The following GNA12 variants were observed in gnomAD, a reference collection of about 807,000 sequenced individuals.
GNA12 encodes the protein G protein subunit alpha 12.
GNA12 carries 9 observed loss-of-function variants against 26.0 expected under a neutral mutation model. That is an observed-to-expected ratio of 0.35 (90% CI 0.21 to 0.60). GNA12 has a LOEUF of 0.60. Among genes scored for constraint, GNA12 ranks in the 20% least tolerant of loss-of-function variants. The pLI is 0.78. For synonymous variants in GNA12, 264 were observed against 219.6 expected (o/e 1.20, Z -1.79); for missense variants, 405 against 525.8 (o/e 0.77, Z 2.25).
intron 2 of GNA12, among the ~76,000 whole-genome samples, chr7:2,769,458 C>A (rs963155669): frequency 6.6e-6 from 1 of 151,990 alleles, no homozygotes; most frequent in South Asian, 2.1e-4. Flanking sequence ...CGGCTGGGCA[C>A]GGTGGCTCAT....
At chr7:2,841,227 C>G (rs1339902480) in intron 1 of GNA12, among the ~76,000 whole-genome samples, 1 of 152,190 alleles carries the variant, frequency 6.6e-6, no homozygotes, top group Non-Finnish European at 1.5e-5. Flanking sequence ...TCTCGGCTCA[C>G]TGCAAGCTCC....
intron 2 of GNA12, among the ~76,000 whole-genome samples, chr7:2,783,653 TA>T: frequency 2.9e-5 from 1 of 35,002 alleles, no homozygotes; most frequent in Non-Finnish European, 7.2e-5. Flanking sequence ...GTAACACATT[TA>T]TTTATTTATT....
At chr7:2,781,133 T>C (rs1484731553) in intron 2 of GNA12, among the ~76,000 whole-genome samples, 3 of 152,254 alleles carry the variant, frequency 2.0e-5, no homozygotes, top group African/African-American at 7.2e-5. Flanking sequence ...TTCTGGATAC[T>C]CACACCTTTG....
Position 2,731,737 on chromosome 7 carries a change from C to T in GNA12, c.590G>A (p.Ser197Asn). 6.6e-7 allele frequency: 1 copy of T among 1,524,930 alleles called. No homozygotes were observed. The highest frequency in any genetic ancestry group is 8.9e-7 in the Non-Finnish European group (1 of 1,128,922). 94.5% of individuals were successfully genotyped at this position (1,524,930 alleles called of 1,614,324 possible). ...DRIGQLNYFP[S>N]KQDILLARKA... ...CCTAGCCAGCAGGATATCTTGCTTACTAGGAAAGTAATTCTGTAAAATACA... is the reference window on the plus strand; with the variant it reads ...CCTAGCCAGCAGGATATCTTGCTTATTAGGAAAGTAATTCTGTAAAATACA... Residue 197 changes from serine (S) to asparagine (N), a missense_variant, in exon 4 of 4, where the codon AGT (serine) becomes AAT (asparagine). Ser to Asn is a conservative substitution (Grantham distance 46, BLOSUM62 1). Coordinates refer to ENST00000275364, the MANE Select transcript of GNA12 (RefSeq NM_007353.3). The surrounding 1 kb of genome is among the most constrained non-coding windows in gnomAD (Gnocchi z 6.0).
intron 1 of GNA12, among the ~76,000 whole-genome samples, chr7:2,804,250 T>C (rs1420234649): frequency 6.6e-6 from 1 of 152,222 alleles, no homozygotes; most frequent in African/African-American, 2.4e-5. Flanking sequence ...AATCATTTAG[T>C]AGGCATTTTA....
chr7:2,735,154 C>T (rs1416609584), intron 2 of GNA12, among the ~76,000 whole-genome samples: 3 of 152,184 alleles, frequency 2.0e-5, no homozygotes, highest in African/African-American at 4.8e-5. Flanking sequence ...GCGCCTCTCT[C>T]TCCTGCCTCC....
chr7:2,742,532 G>A (rs1790561171), intron 2 of GNA12, among the ~76,000 whole-genome samples: 1 of 152,086 alleles, frequency 6.6e-6, no homozygotes, highest in Admixed American at 6.6e-5. Context: ...ATTTTCCAGG[G>A]GCTGTAATTC....
intron 1 of GNA12, among the ~76,000 whole-genome samples, chr7:2,823,558 G>A (rs1793416036): frequency 6.6e-6 from 1 of 152,190 alleles, no homozygotes; most frequent in South Asian, 2.1e-4. Flanking sequence ...TTCGGGAAGA[G>A]GCCAGTCGTT....
At chr7:2,804,819 G>A (rs1792903507) in intron 1 of GNA12, among the ~76,000 whole-genome samples, 1 of 152,010 alleles carries the variant, frequency 6.6e-6, no homozygotes, top group African/African-American at 2.4e-5. Flanking sequence ...AGCGCTTTGG[G>A]AAGCCGAGGC....
chr7:2,838,821 A>G (rs1459148041), intron 1 of GNA12, among the ~76,000 whole-genome samples: 2 of 152,264 alleles, frequency 1.3e-5, no homozygotes, highest in Admixed American at 1.3e-4. Context: ...ACATAATAAA[A>G]AAGGTTAATC....
At chr7:2,756,056 AC>A in intron 2 of GNA12, among the ~76,000 whole-genome samples, 1 of 152,364 alleles carries the variant, frequency 6.6e-6, no homozygotes, top group South Asian at 2.1e-4. Flanking sequence ...CCAACTTTCA[AC>A]TTGCTAGAAA....
At chr7:2,765,421 A>G (rs976578671) in intron 2 of GNA12, among the ~76,000 whole-genome samples, 1 of 151,736 alleles carries the variant, frequency 6.6e-6, no homozygotes, top group African/African-American at 2.4e-5. Context: ...GGCCTCCTAA[A>G]ATGCTGGGAT....
intron 2 of GNA12, among the ~76,000 whole-genome samples, chr7:2,788,965 G>A (rs1295222540): frequency 2.0e-5 from 3 of 151,656 alleles, no homozygotes; most frequent in Admixed American, 6.6e-5. Flanking sequence ...GATTACAGGC[G>A]CCCCACCACC....
chr7:2,781,217 T>G (rs972775060), intron 2 of GNA12, among the ~76,000 whole-genome samples: 8 of 152,180 alleles, frequency 5.3e-5, no homozygotes, highest in African/African-American at 1.7e-4. Context: ...GTTCTTAATT[T>G]TATGGGAGTC....
chr7:2,785,751 T>A (rs185084851), intron 2 of GNA12, among the ~76,000 whole-genome samples: 165 of 152,236 alleles, frequency 1.1e-3, no homozygotes, highest in African/African-American at 3.8e-3. Context: ...TACTAGGGAA[T>A]ACTACTCAGA....
At chr7:2,797,684 A>G (rs1267208052) in intron 1 of GNA12, among the ~76,000 whole-genome samples, 1 of 152,178 alleles carries the variant, frequency 6.6e-6, no homozygotes, top group African/African-American at 2.4e-5. Flanking sequence ...AGTCAGACGT[A>G]ATGATGACCA....
intron 1 of GNA12, among the ~76,000 whole-genome samples, chr7:2,833,152 T>C (rs1017664653): frequency 2.6e-5 from 4 of 152,256 alleles, no homozygotes; most frequent in Middle Eastern, 3.4e-3. Context: ...AAGCCTCCAT[T>C]TCTTTTAAGT....
chr7:2,776,248 T>C (rs1216282394), intron 2 of GNA12, among the ~76,000 whole-genome samples: 1 of 152,184 alleles, frequency 6.6e-6, no homozygotes, highest in East Asian at 1.9e-4. Context: ...CAAATGGGTC[T>C]TAACCAGAGT....
intron 1 of GNA12, among the ~76,000 whole-genome samples, chr7:2,837,787 T>C (rs1440678189): frequency 6.7e-6 from 1 of 150,278 alleles, no homozygotes; most frequent in Non-Finnish European, 1.5e-5. Flanking sequence ...AGAAAGGAAA[T>C]GACAACAGAA....
Sources: allele counts gnomAD v4.1 joint callset (sites outside exome capture counted in the v4.1 genomes callset), GRCh38; gene constraint gnomAD v4.1.1; non-coding constraint Gnocchi (gnomAD v3.1); transcripts MANE v1.5; gene names NCBI Gene and HGNC (gene_info 2026-07-23, HGNC 2026-07-21).